Variants in MIGA1 observed in about 807,000 individuals in gnomAD.
MIGA1 encodes the protein family with sequence similarity 73, member A.
In MIGA1, 58 loss-of-function variants were observed where a neutral mutation model predicts 82.0. The observed-to-expected ratio is 0.71, with a 90% CI of 0.57 to 0.88. The LOEUF (loss-of-function observed/expected upper bound fraction) is 0.88. Among genes scored for constraint, MIGA1 ranks in the 40% least tolerant of loss-of-function variants. The pLI is 0.00. For synonymous variants in MIGA1, 249 were observed against 253.6 expected (o/e 0.98, Z 0.17); for missense variants, 751 against 749.1 (o/e 1.00, Z -0.03).
intron 7 of MIGA1, among the ~76,000 whole-genome samples, chr1:77,840,485 A>G (rs1303874585): frequency 6.6e-6 from 1 of 152,164 alleles, no homozygotes; most frequent in Non-Finnish European, 1.5e-5. Context: ...CCATATGGAA[A>G]CAAGAGTTAA....
intron 6 of MIGA1, among the ~76,000 whole-genome samples, chr1:77,814,897 G>T (rs1683514467): frequency 6.6e-6 from 1 of 152,154 alleles, no homozygotes; most frequent in Admixed American, 6.5e-5. Flanking sequence ...TATAGGTAAA[G>T]AAACTGAATC....
At chr1:77,858,908 G>T in intron 8 of MIGA1, 30 bp from the exon 9 acceptor site, 1 of 1,309,872 alleles carries the variant, frequency 7.6e-7, no homozygotes, top group Non-Finnish European at 1.1e-6. Flanking sequence ...CACCTAGCCT[G>T]TATTCTGTTC....
At chr1:77,810,779 A>C (rs1683295787) in intron 5 of MIGA1, 1 of 1,436,394 alleles carries the variant, frequency 7.0e-7, no homozygotes, top group Admixed American at 2.1e-5. Context: ...TGCCTGTTGA[A>C]GGGTGAATAT....
chr1:77,859,596 CCCA>C (rs1685389113), intron 10 of MIGA1: 1 of 499,790 alleles, frequency 2.0e-6, no homozygotes, highest in Non-Finnish European at 3.6e-6. Flanking sequence ...GCTTCCCAGG[CCCA>C]CGACACTTTG....
intron 8 of MIGA1, among the ~76,000 whole-genome samples, chr1:77,846,743 C>A (rs989654270): frequency 6.6e-6 from 1 of 151,860 alleles, no homozygotes; most frequent in Non-Finnish European, 1.5e-5. Context: ...GTCAGGAGAT[C>A]GAGACCATCC....
At chr1:77,843,172 ATACT>A in intron 7 of MIGA1, 131 bp from the exon 8 acceptor site, 1 of 549,624 alleles carries the variant, frequency 1.8e-6, no homozygotes, top group Non-Finnish European at 3.3e-6. Context: ...TAAACAATGG[ATACT>A]TACTGTTTTC....
chr1:77,833,026 T>C (rs1407249789), intron 7 of MIGA1, among the ~76,000 whole-genome samples: 1 of 152,136 alleles, frequency 6.6e-6, no homozygotes, highest in Non-Finnish European at 1.5e-5. Flanking sequence ...ACTAGAGAGA[T>C]GTTATTCTTC....
At chr1:77,847,668 G>A in intron 8 of MIGA1, 1 of 1,570,106 alleles carries the variant, frequency 6.4e-7, no homozygotes, top group South Asian at 1.1e-5. Flanking sequence ...CAAGCAGAAA[G>A]ATCTCAGTGG....
rs1370876517 is a variant in MIGA1, at chr1:77,876,187, G to A, written c.*1123G>A. On this transcript the variant is annotated 3_prime_UTR_variant, in exon 16 of 16. Transcript: ENST00000370791. Reference sequence around the variant, plus strand: ...TAGTTGGGTGTGGTGGCATGTGTCTGTGGTCCCAGCTACTTGGGAGGCTGA... The same window carrying A: ...TAGTTGGGTGTGGTGGCATGTGTCTATGGTCCCAGCTACTTGGGAGGCTGA... 2.0e-5 allele frequency: 3 copies of A among 152,174 alleles called. No homozygotes were observed. The highest frequency in any genetic ancestry group is 7.2e-5 in the African/African-American group (3 of 41,402). 9.4% of individuals were successfully genotyped at this position (152,174 alleles called of 1,614,324 possible).
chr1:77,780,172 T>C, intron 1 of MIGA1: 7 of 988,346 alleles, frequency 7.1e-6, no homozygotes, highest in Non-Finnish European at 8.4e-6. Flanking sequence ...TGCTGTGGGG[T>C]CGGGGGAGAG....
At chr1:77,781,573 T>C (rs1224525018) in intron 1 of MIGA1, among the ~76,000 whole-genome samples, 1 of 152,240 alleles carries the variant, frequency 6.6e-6, no homozygotes, top group Non-Finnish European at 1.5e-5. Flanking sequence ...GCCCAGCTTT[T>C]CTATATCCCT....
chr1:77,829,056 A>G (rs1261740790), intron 7 of MIGA1, among the ~76,000 whole-genome samples: 1 of 152,124 alleles, frequency 6.6e-6, no homozygotes, highest in African/African-American at 2.4e-5. Flanking sequence ...GTTTAGAGGG[A>G]TAAAGATAAT....
intron 7 of MIGA1, among the ~76,000 whole-genome samples, chr1:77,818,614 C>T (rs1003148780): frequency 3.3e-5 from 5 of 152,098 alleles, no homozygotes; most frequent in African/African-American, 1.2e-4. Context: ...TAGATGATGG[C>T]TAAGAAGTCT....
chr1:77,876,531 T>A lies in MIGA1; in HGVS notation c.*1467T>A, dbSNP rs1448356203. On this transcript the variant is annotated 3_prime_UTR_variant, in exon 16 of 16. Transcript: ENST00000370791. Reference sequence around the variant, plus strand: ...ATTAATTAATAAAGGCAATTTAAAATTTAGTGTTATTTGAAGACTGTCAAC... The same window carrying A: ...ATTAATTAATAAAGGCAATTTAAAAATTAGTGTTATTTGAAGACTGTCAAC... 1 of 152,166 alleles carries A rather than the reference T, an allele frequency of 6.6e-6. No homozygotes were observed. Among genetic ancestry groups the A allele is most frequent in the Non-Finnish European group, 1.5e-5 (1 of 68,016 alleles). The allele number at this position is 152,166 out of a possible 1,614,324, so 9.4% of individuals were successfully genotyped here. A position where few individuals can be genotyped will look rare whatever the true frequency, so the allele number is the denominator to read the frequency against.
Position 77,876,739 on chromosome 1 carries a change from CAA to C in MIGA1, c.*1679_*1680del, listed in dbSNP as rs1295635525. On this transcript the variant is annotated 3_prime_UTR_variant, in exon 16 of 16. Coordinates refer to ENST00000370791, the MANE Select transcript of MIGA1 (RefSeq NM_198549.4). ...GTTTTTTCCTCCCTGGAATGTAAAACAAAAATATTTTTTAATGATGTGGAAGT... is the reference window on the plus strand; with the variant it reads ...GTTTTTTCCTCCCTGGAATGTAAAACAAATATTTTTTAATGATGTGGAAGT... The C allele has an allele frequency of 6.6e-6, 1 of 152,058 alleles. No homozygotes were observed. The highest frequency in any genetic ancestry group is 1.5e-5 in the Non-Finnish European group (1 of 68,006). 9.4% of individuals were successfully genotyped at this position (152,058 alleles called of 1,614,324 possible).
intron 8 of MIGA1, chr1:77,848,391 A>G (rs1000073221): frequency 1.4e-5 from 14 of 987,650 alleles, no homozygotes; most frequent in South Asian, 9.1e-5. Context: ...GGAAGAGCGT[A>G]TGAAAGTAAG....
At chr1:77,824,987 T>TTA (rs1392272512) in intron 7 of MIGA1, among the ~76,000 whole-genome samples, 1 of 125,096 alleles carries the variant, frequency 8.0e-6, no homozygotes, top group Non-Finnish European at 1.8e-5. Context: ...ATTCCTCTTT[T>TTA]TTTTTTTTTT....
intron 12 of MIGA1, chr1:77,861,621 A>G (rs6704477): frequency 1 from 298,529 of 299,410 alleles, 148,830 homozygotes; most frequent in Middle Eastern, 1. Flanking sequence ...CCCTAGCAGG[A>G]CAGGAATGGT....
At chr1:77,780,412 A>G (rs1570907076) in intron 1 of MIGA1, among the ~76,000 whole-genome samples, 1 of 152,124 alleles carries the variant, frequency 6.6e-6, no homozygotes, top group East Asian at 1.9e-4. Flanking sequence ...TGAAACCTTT[A>G]TTATTGTTGT....
Sources: gnomAD v4.1 joint callset for allele counts (sites outside exome capture counted in the v4.1 genomes callset) on GRCh38, gnomAD v4.1.1 for gene constraint, MANE v1.5 for transcripts, NCBI Gene and HGNC (gene_info 2026-07-23, HGNC 2026-07-21) for gene names.